The following RYR2 variants were observed in gnomAD, a reference collection of about 807,000 sequenced individuals.
RYR2 encodes cardiac muscle ryanodine receptor-calcium release channel.
Under a neutral mutation model 601.1 loss-of-function variants are expected in RYR2, and 227 were observed. The ratio of observed to expected loss-of-function variants is 0.38; its 90% CI spans 0.34 to 0.42. RYR2 has a LOEUF of 0.42. RYR2 is among the 10% of genes least tolerant of loss of function. RYR2 has a pLI of 1.00. For synonymous variants in RYR2, 2,223 were observed against 2,175.1 expected (o/e 1.02, Z -0.61); for missense variants, 4,646 against 6,156.5 (o/e 0.75, Z 8.21).
chr1:237,300,887 T>C (rs774781335), intron 2 of RYR2, among the ~76,000 whole-genome samples: 10 of 152,102 alleles, frequency 6.6e-5, no homozygotes, highest in Non-Finnish European at 1.3e-4. Context: ...GTCAGACCAA[T>C]GTGGAACCAA....
intron 12 of RYR2, among the ~76,000 whole-genome samples, chr1:237,432,607 T>A (rs1379773308): frequency 6.6e-6 from 1 of 152,176 alleles, no homozygotes; most frequent in Non-Finnish European, 1.5e-5. Context: ...TCATGGTTAG[T>A]GTCTTTCCAA....
At chr1:237,518,383 C>T (rs567464553) in intron 24 of RYR2, among the ~76,000 whole-genome samples, 14 of 152,046 alleles carry the variant, frequency 9.2e-5, no homozygotes, top group South Asian at 6.2e-4. Context: ...GCACCCATTA[C>T]GTAATTTCTC....
rs1281776816 is a variant in RYR2, at chr1:237,680,479, G to C, written c.8919G>C (p.Gln2973His). Reference sequence around the variant, plus strand: ...AGGTCGTTCTTCCTTTAATTGATCAGTATTTCAAAAACCATCGTTTATACT... The same window carrying C: ...AGGTCGTTCTTCCTTTAATTGATCACTATTTCAAAAACCATCGTTTATACT... ...FAKVVLPLID[Q>H]YFKNHRLYFL... The change falls in exon 62 of 105, where the codon CAG becomes CAC. Residue 2973 changes from glutamine to histidine, a missense_variant. Gln to His is a conservative substitution (Grantham distance 24). Coordinates refer to ENST00000366574, the MANE Select transcript of RYR2 (RefSeq NM_001035.3). 1 of 1,607,988 alleles carries C rather than the reference G, an allele frequency of 6.2e-7. No homozygotes were observed.
Position 237,496,482 on chromosome 1 carries a change from C to A in RYR2, c.1962-29C>A, listed in dbSNP as rs566895964. On this transcript the variant is annotated intron_variant, in intron 19 of 104. Transcript: ENST00000366574. ...ACAATGAAAGGTTTTTTTGGACTTT[C>A]CTTACATGTGATTCCCGTCTCTTTA... The A allele has an allele frequency of 1.2e-4, 200 of 1,603,056 alleles. 1 individual carries two copies. In the South Asian group the frequency reaches 2.2e-3, roughly 17 times the overall value.
At chr1:237,168,250 G>A (rs758266806) in intron 1 of RYR2, among the ~76,000 whole-genome samples, 24 of 151,828 alleles carry the variant, frequency 1.6e-4, no homozygotes, top group Non-Finnish European at 2.9e-4. Flanking sequence ...GGCATTAATC[G>A]TTAAATGTTG....
chr1:237,778,900 G>T, intron 88 of RYR2, 130 bp downstream of exon 88: 1 of 513,080 alleles, frequency 1.9e-6, no homozygotes. Flanking sequence ...GTCTTTTTAA[G>T]ATCATTTTAT....
rs565554213 is a variant in RYR2, at chr1:237,533,816, G to A, written c.2906+3306G>A. ...AAATATAGGCAGGGATGTAAGATGG[G>A]GAGCAACACACAGATAGATGTAATG... On this transcript the variant is annotated intron_variant, in intron 25 of 104. Coordinates refer to ENST00000366574, the MANE Select transcript of RYR2 (RefSeq NM_001035.3). Among the ~76,000 whole-genome samples the A allele has an allele frequency of 5.3e-5, 8 of 152,176 alleles. 1 individual carries two copies. Among genetic ancestry groups the A allele is most frequent in the African/African-American group, 1.9e-4 (8 of 41,556 alleles).
intron 4 of RYR2, among the ~76,000 whole-genome samples, chr1:237,361,969 C>A (rs1372399668): frequency 6.6e-6 from 1 of 152,146 alleles, no homozygotes; most frequent in Admixed American, 6.6e-5. Context: ...GTGGCTCATG[C>A]TTACAGACGA....
chr1:237,224,897 C>G (rs1684196091), intron 1 of RYR2, among the ~76,000 whole-genome samples: 1 of 152,144 alleles, frequency 6.6e-6, no homozygotes, highest in South Asian at 2.1e-4. Context: ...TTCATCCCCA[C>G]TTTACAGGTG....
rs1325871553 is a variant in RYR2, at chr1:237,801,857, C to A, written c.14092C>A (p.Leu4698Met). Residue 4698 changes from leucine (L) to methionine (M), a missense_variant and splice_region_variant, in exon 98 of 105, where the codon CTG becomes ATG. Physicochemically the swap from Leu to Met is conservative, Grantham distance 15. Transcript: ENST00000366574. ...CATTTTTTTTTTTTGTCATTGCAGACTGAACTCCATTGATGTGAAGTATCA... is the reference window on the plus strand; with the variant it reads ...CATTTTTTTTTTTTGTCATTGCAGAATGAACTCCATTGATGTGAAGTATCA... ...PKKDSSLSAVLNSIDVKYQMW... is the reference protein window; with the variant it reads ...PKKDSSLSAVMNSIDVKYQMW... The A allele has an allele frequency of 1.3e-6, 2 of 1,572,606 alleles. No homozygotes were observed. The highest frequency in any genetic ancestry group is 2.3e-5 in the East Asian group (1 of 44,374).
intron 16 of RYR2, among the ~76,000 whole-genome samples, chr1:237,465,190 T>C (rs1659936958): frequency 6.6e-6 from 1 of 152,146 alleles, no homozygotes; most frequent in Non-Finnish European, 1.5e-5. Context: ...TATATTTTCG[T>C]AGTATATTGA....
chr1:237,103,287 C>T (rs1008047742), intron 1 of RYR2, among the ~76,000 whole-genome samples: 3 of 152,308 alleles, frequency 2.0e-5, no homozygotes, highest in Non-Finnish European at 2.9e-5. Flanking sequence ...CTCACTGTTG[C>T]GTGAGTCATG....
intron 5 of RYR2, 96 bp from the exon 6 acceptor site, chr1:237,369,438 C>T (rs538117066): frequency 4.7e-5 from 48 of 1,017,382 alleles, no homozygotes; most frequent in Middle Eastern, 4.1e-4. Flanking sequence ...TTCCTACTAA[C>T]GTTCCTTTGA....
At chr1:237,290,495 G>C (rs1287005029) in intron 2 of RYR2, among the ~76,000 whole-genome samples, 1 of 152,188 alleles carries the variant, frequency 6.6e-6, no homozygotes, top group Non-Finnish European at 1.5e-5. Flanking sequence ...ATACTTATAA[G>C]TGGTAAATTT....
In RYR2 at chr1:237,185,006, A is replaced by G. The variant is rs538527229; in HGVS notation, c.49-85491A>G. On this transcript the variant is annotated intron_variant, in intron 1 of 104. Coordinates refer to ENST00000366574, the MANE Select transcript of RYR2 (RefSeq NM_001035.3). ...TGCCTCAGCCTTCCGAACAGCTGGG[A>G]CTGCAGGCATGCACCACCACACCTG... Among the ~76,000 whole-genome samples the G allele has an allele frequency of 1.4e-4, 22 of 151,944 alleles. No homozygotes were observed. In the East Asian group the frequency reaches 4.3e-3, roughly 29 times the overall value.
At chr1:237,402,914 C>A (rs1045450407) in intron 10 of RYR2, among the ~76,000 whole-genome samples, 4 of 141,604 alleles carry the variant, frequency 2.8e-5, no homozygotes, top group African/African-American at 1.0e-4. Context: ...CCTGTCTCCA[C>A]CCTCCTTCCC....
intron 1 of RYR2, among the ~76,000 whole-genome samples, chr1:237,218,578 A>T (rs1479350219): frequency 2.0e-5 from 3 of 152,272 alleles, no homozygotes; most frequent in Non-Finnish European, 4.4e-5. Context: ...CCTCAAAAAA[A>T]TTTCTTTCAA....
intron 62 of RYR2, 21 bp downstream of exon 62, chr1:237,680,598 G>A (rs763186727): frequency 2.5e-6 from 4 of 1,578,324 alleles, no homozygotes; most frequent in Non-Finnish European, 3.4e-6. Flanking sequence ...ATAAAAATAA[G>A]CACTGTTGTA....
At chr1:237,498,827 G>A (rs1235838310) in intron 20 of RYR2, among the ~76,000 whole-genome samples, 17 of 152,168 alleles carry the variant, frequency 1.1e-4, no homozygotes, top group Admixed American at 1.1e-3. Context: ...AGGACGATAG[G>A]CAGTGGAATT....
Sources: allele counts gnomAD v4.1 joint callset (sites outside exome capture counted in the v4.1 genomes callset), GRCh38; gene constraint gnomAD v4.1.1; transcripts MANE v1.5; gene names NCBI Gene and HGNC (gene_info 2026-07-23, HGNC 2026-07-21).